Variants in NCAM1 observed in about 807,000 individuals in gnomAD.
NCAM1 encodes the protein antigen recognized by monoclonal antibody 5.1H11.
A neutral mutation model predicts 109.8 loss-of-function variants in NCAM1; 14 were observed. The observed-to-expected ratio is 0.13, with a 90% CI of 0.08 to 0.20. The LOEUF is 0.20. NCAM1 is among the 10% of genes least tolerant of loss of function. The pLI is 1.00. For synonymous variants in NCAM1, 418 were observed against 442.9 expected (o/e 0.94, Z 0.70); for missense variants, 774 against 1,109.9 (o/e 0.70, Z 4.30).
intron 14 of NCAM1, among the ~76,000 whole-genome samples, chr11:113,245,788 CA>C (rs782106127): frequency 1.3e-5 from 2 of 152,194 alleles, no homozygotes; most frequent in African/African-American, 4.8e-5. Context: ...TAATTTAATA[CA>C]ATCTTTTGTT....
rs781969531 is a variant in NCAM1, at chr11:113,207,286, G to A, written c.654G>A (p.Gln218=). Residue 218 remains glutamine, a synonymous_variant, in exon 6 of 20, where the codon CAG becomes CAA. Coordinates refer to ENST00000316851, the MANE Select transcript of NCAM1 (RefSeq NM_181351.5). The part of the protein sequence containing the change: ...VNVPPTIQAR[Q]NIVNATANLG... ...TGCCACCTACCATCCAGGCCAGGCAGAATATTGTGAATGCCACCGCCAACC... is the reference window on the plus strand; with the variant it reads ...TGCCACCTACCATCCAGGCCAGGCAAAATATTGTGAATGCCACCGCCAACC... 6.2e-7 allele frequency: 1 copy of A among 1,613,992 alleles called. No homozygotes were observed. Among genetic ancestry groups the A allele is most frequent in the Non-Finnish European group, 8.5e-7 (1 of 1,179,888 alleles).
At chr11:113,049,840 G>A (rs7942437) in intron 1 of NCAM1, among the ~76,000 whole-genome samples, 3,210 of 152,226 alleles carry the variant, frequency 0.021, 107 homozygotes, top group African/African-American at 0.073. Context: ...TTGACAAAGC[G>A]TGCTTGAGGG....
chr11:113,234,469 T>G (rs192582449), intron 13 of NCAM1, among the ~76,000 whole-genome samples: 163 of 152,294 alleles, frequency 1.1e-3, no homozygotes, highest in African/African-American at 3.8e-3. Flanking sequence ...TCCCAGCCCC[T>G]GGCAACCACC....
At chr11:112,979,732 G>A (rs781813635) in intron 1 of NCAM1, among the ~76,000 whole-genome samples, 14 of 151,886 alleles carry the variant, frequency 9.2e-5, no homozygotes, top group Non-Finnish European at 1.6e-4. Context: ...GGTCTCTTGG[G>A]GTTGGGTGCA....
At chr11:113,155,198 G>A (rs1455796910) in intron 1 of NCAM1, among the ~76,000 whole-genome samples, 1 of 152,168 alleles carries the variant, frequency 6.6e-6, no homozygotes, top group Non-Finnish European at 1.5e-5. Flanking sequence ...TTAGAGGGTT[G>A]TATATTGGAA....
At chr11:113,241,722 G>A (rs1945332595) in intron 14 of NCAM1, among the ~76,000 whole-genome samples, 1 of 152,200 alleles carries the variant, frequency 6.6e-6, no homozygotes, top group Admixed American at 6.5e-5. Flanking sequence ...TTTCCAGGGA[G>A]GAATAGCAAA....
At chr11:113,028,025 G>A (rs946442990) in intron 1 of NCAM1, among the ~76,000 whole-genome samples, 7 of 152,150 alleles carry the variant, frequency 4.6e-5, no homozygotes, top group African/African-American at 7.2e-5. Flanking sequence ...ATAGAATAGC[G>A]GTTACCAGAG....
At position 112,984,357 on chromosome 11, in the gene NCAM1, G is replaced by A. The variant is rs187772456; in HGVS notation, c.52+22693G>A. Among the ~76,000 whole-genome samples, 122 of 152,066 alleles carry A rather than the reference G, an allele frequency of 8.0e-4. 1 individual carries two copies. In the Middle Eastern group the frequency reaches 0.014, roughly 17 times the overall value. On this transcript the variant is annotated intron_variant, in intron 1 of 19. Coordinates refer to ENST00000316851, the MANE Select transcript of NCAM1 (RefSeq NM_181351.5). ...GAATAATGCTTCAGTGAACATAGGA[G>A]TGCACATATCTTCATGAGGTGGTGA...
At chr11:113,001,474 A>G (rs551842210) in intron 1 of NCAM1, among the ~76,000 whole-genome samples, 42 of 152,294 alleles carry the variant, frequency 2.8e-4, no homozygotes, top group African/African-American at 8.2e-4. Flanking sequence ...AATTCTTGAG[A>G]CAAGGCTGTG....
intron 1 of NCAM1, among the ~76,000 whole-genome samples, chr11:112,978,338 G>A (rs782096138): frequency 1.1e-4 from 16 of 151,912 alleles, no homozygotes; most frequent in Non-Finnish European, 1.9e-4. Context: ...TAGAAAATAC[G>A]TGATTCGGTT....
At chr11:113,079,863 G>A (rs1280592348) in intron 1 of NCAM1, among the ~76,000 whole-genome samples, 1 of 152,092 alleles carries the variant, frequency 6.6e-6, no homozygotes, top group Non-Finnish European at 1.5e-5. Flanking sequence ...TTTCGAGATT[G>A]GCATATTAGA....
chr11:113,155,102 G>C (rs989853725), intron 1 of NCAM1, among the ~76,000 whole-genome samples: 2 of 152,176 alleles, frequency 1.3e-5, no homozygotes, highest in Non-Finnish European at 2.9e-5. Context: ...TCCCAGGGAG[G>C]ATGACATTAG....
At chr11:113,221,245 T>G in intron 8 of NCAM1, 51 bp from the exon 9 acceptor site, 1 of 1,542,718 alleles carries the variant, frequency 6.5e-7, no homozygotes, top group Non-Finnish European at 8.8e-7. Flanking sequence ...AAGCAACATG[T>G]TGTAAAATTT....
At chr11:113,243,647 G>C (rs370323024) in intron 14 of NCAM1, 1 of 517,390 alleles carries the variant, frequency 1.9e-6, no homozygotes, top group South Asian at 1.4e-5. Flanking sequence ...TGAATCTCCT[G>C]AAGAATCCAT....
rs782683789 is a variant in NCAM1, at chr11:113,206,183, G to A, written c.628+3G>A. The A allele has an allele frequency of 1.2e-6, 2 of 1,606,558 alleles. No homozygotes were observed. The highest frequency in any genetic ancestry group is 4.5e-5 in the East Asian group (2 of 44,830). ...GGACATTCAGGTCATTGTGAATGGT[G>A]AGGAGAGTCCGTTCTTCCTGATCTC... On this transcript the variant is annotated splice_donor_region_variant and intron_variant, in intron 5 of 19. Transcript: ENST00000316851.
intron 1 of NCAM1, among the ~76,000 whole-genome samples, chr11:113,163,220 T>C (rs1480828459): frequency 3.9e-5 from 6 of 152,126 alleles, no homozygotes; most frequent in African/African-American, 1.4e-4. Flanking sequence ...GGAGTCAGGG[T>C]TGTAATTTTC....
intron 1 of NCAM1, among the ~76,000 whole-genome samples, chr11:112,967,791 G>A (rs556064639): frequency 6.6e-6 from 1 of 152,304 alleles, no homozygotes; most frequent in African/African-American, 2.4e-5. Context: ...GCAATTCCAT[G>A]TTGGTTGTGA....
At chr11:113,250,877 A>C (rs1048775987) in intron 15 of NCAM1, among the ~76,000 whole-genome samples, 1 of 152,210 alleles carries the variant, frequency 6.6e-6, no homozygotes, top group Non-Finnish European at 1.5e-5. Context: ...TGCTCACTGC[A>C]ACCTCCACCT....
rs956575133 is a variant in NCAM1 at position 113,184,718 on chromosome 11, C to T, written c.53-17661C>T. ...GACTCACACAGGGAATATGTCAGGC[C>T]GACCTGCTTAGCAAATCAATAGAAA... On this transcript the variant is annotated intron_variant, in intron 1 of 19. Coordinates refer to ENST00000316851, the MANE Select transcript of NCAM1 (RefSeq NM_181351.5). 4.6e-5 allele frequency among the ~76,000 whole-genome samples: 7 copies of T among 151,998 alleles called. No individual in the cohort carries two copies. In the East Asian group the frequency reaches 5.8e-4, roughly 13 times the overall value.
Sources: gnomAD v4.1 joint callset for allele counts (sites outside exome capture counted in the v4.1 genomes callset) on GRCh38, gnomAD v4.1.1 for gene constraint, MANE v1.5 for transcripts, NCBI Gene and HGNC (gene_info 2026-07-23, HGNC 2026-07-21) for gene names.